The following TMEM9 variants were observed in gnomAD, a reference collection of about 807,000 sequenced individuals.
The protein encoded by TMEM9 is transmembrane protein 9.
TMEM9 carries 13 observed loss-of-function variants against 22.8 expected under a neutral mutation model. The observed-to-expected ratio is 0.57, with a 90% CI of 0.37 to 0.91. The LOEUF (loss-of-function observed/expected upper bound fraction) is 0.91, where lower values mean the gene tolerates loss of function less well. TMEM9 is among the 40% of genes least tolerant of loss of function. The pLI, the probability that TMEM9 is intolerant of heterozygous loss-of-function variation, is 0.01. For synonymous variants in TMEM9, 88 were observed against 93.0 expected, an observed-to-expected ratio of 0.95 and a Z score of 0.31; for missense variants, 182 against 238.1, an observed-to-expected ratio of 0.76 and a Z score of 1.55.
chr1:201,162,143 G>A (rs1475310442), intron 1 of TMEM9, among the ~76,000 whole-genome samples: 1 of 151,688 alleles, frequency 6.6e-6, no homozygotes, highest in Non-Finnish European at 1.5e-5. Flanking sequence ...GAGAACCCAG[G>A]CATAGATCTA....
chr1:201,155,985 T>A (rs533997277), upstream of TMEM9, among the ~76,000 whole-genome samples: 1 of 152,262 alleles, frequency 6.6e-6, no homozygotes, highest in South Asian at 2.1e-4. Context: ...GCCTACCTCG[T>A]GGGGGCAGAA....
chr1:201,166,530 T>G (rs1354501073), intron 1 of TMEM9, among the ~76,000 whole-genome samples: 1 of 151,762 alleles, frequency 6.6e-6, no homozygotes, highest in Non-Finnish European at 1.5e-5. Context: ...GCCCGGCTAA[T>G]TTTTGTGTTT....
chr1:201,169,293 A>G (rs942979436), intron 1 of TMEM9, among the ~76,000 whole-genome samples: 3 of 152,210 alleles, frequency 2.0e-5, no homozygotes, highest in African/African-American at 7.2e-5. Flanking sequence ...AGCTTAGTGA[A>G]TAGTACGAGT....
chr1:201,160,638 A>T (rs199892422), intron 1 of TMEM9, among the ~76,000 whole-genome samples: 1,388 of 10,710 alleles, frequency 0.13, 13 homozygotes, highest in Non-Finnish European at 0.31. Context: ...TTTTTTTTTT[A>T]AAATCGAGGA....
intron 3 of TMEM9, chr1:201,144,781 T>G (rs1321692699): frequency 1.3e-5 from 2 of 152,074 alleles, no homozygotes; most frequent in Non-Finnish European, 2.9e-5. Context: ...AAATGCCCCC[T>G]GGGGGGGCTG....
chr1:201,149,675 C>T (rs752542033), intron 2 of TMEM9, among the ~76,000 whole-genome samples: 2 of 152,204 alleles, frequency 1.3e-5, no homozygotes, highest in African/African-American at 4.8e-5. Context: ...TGGCTTTACT[C>T]TGCACAACCA....
chr1:201,168,023 C>T (rs907503820), intron 1 of TMEM9, among the ~76,000 whole-genome samples: 1 of 152,204 alleles, frequency 6.6e-6, no homozygotes, highest in African/African-American at 2.4e-5. Context: ...AGTAACTACT[C>T]TTCATCTGTG....
chr1:201,146,789 C>CAGTA lies in TMEM9; in HGVS notation c.214_217dup (p.Cys73LeufsTer53). 1 of 1,614,252 alleles carries CAGTA rather than the reference C, an allele frequency of 6.2e-7. No individual in the cohort carries two copies. The highest frequency in any genetic ancestry group is 8.5e-7 in the Non-Finnish European group (1 of 1,180,040). The stretch of plus-strand genomic sequence containing the variant: ...CTCGTACCTGCACTCGCACAGCAGG[C>CAGTA]AGTAGGCCTCCACGTCATGGCCAGG... On this transcript the variant is annotated frameshift_variant, in exon 3 of 5. Transcript: ENST00000367330. LOFTEE classifies it high-confidence loss of function.
upstream of TMEM9, among the ~76,000 whole-genome samples, chr1:201,155,418 C>T (rs1197070569): frequency 1.3e-5 from 2 of 152,144 alleles, no homozygotes; most frequent in African/African-American, 2.4e-5. Flanking sequence ...GGAATCAAGC[C>T]CCTCGCAGGC....
At chr1:201,161,138 G>A (rs1050781951) in intron 1 of TMEM9, among the ~76,000 whole-genome samples, 2 of 152,044 alleles carry the variant, frequency 1.3e-5, no homozygotes, top group African/African-American at 4.8e-5. Context: ...ACGAAGAGTG[G>A]CATTAATTTT....
chr1:201,148,132 G>C (rs1315087374), intron 2 of TMEM9, among the ~76,000 whole-genome samples: 1 of 152,190 alleles, frequency 6.6e-6, no homozygotes, highest in Non-Finnish European at 1.5e-5. Context: ...TCATCTAACA[G>C]CACTCTTGCG....
chr1:201,140,333 C>T (rs956287780), intron 4 of TMEM9, among the ~76,000 whole-genome samples: 7 of 152,362 alleles, frequency 4.6e-5, no homozygotes, highest in African/African-American at 1.7e-4. Context: ...GCCCAACCTG[C>T]ACATCTAAAA....
intron 1 of TMEM9, among the ~76,000 whole-genome samples, chr1:201,152,484 C>G (rs1665510388): frequency 6.6e-6 from 1 of 152,136 alleles, no homozygotes; most frequent in African/African-American, 2.4e-5. Flanking sequence ...TCTGGATGAT[C>G]TTTAGTTCCA....
intron 3 of TMEM9, chr1:201,144,208 G>A: frequency 5.0e-6 from 2 of 396,332 alleles, no homozygotes; most frequent in South Asian, 3.4e-5. Context: ...GCAGATGACA[G>A]AGGAAGAAGT....
rs758225861 is a variant in TMEM9, at chr1:201,153,911, A to G, written c.13T>C (p.Ser5Pro). The G allele has an allele frequency of 3.7e-6, 6 of 1,613,282 alleles. No individual in the cohort carries two copies. The East Asian group carries it at 6.7e-5, about 18-fold the overall frequency. ...AAACACCCGACCACAGCCACCAAAG[A>G]TAAGAGCTTCATGCTTATCAGGCTT... MKLLSLVAVVGCLLV... is the reference protein window; with the variant it reads MKLLPLVAVVGCLLV... Residue 5 changes from serine to proline, a missense_variant, in exon 1 of 5, where the codon TCT becomes CCT. Coordinates refer to ENST00000367330, the MANE Select transcript of TMEM9 (RefSeq NM_001288565.2).
intron 4 of TMEM9, among the ~76,000 whole-genome samples, chr1:201,136,725 T>C (rs1192641279): frequency 6.6e-6 from 1 of 152,242 alleles, no homozygotes; most frequent in East Asian, 1.9e-4. Context: ...CTGCAGGACC[T>C]GAACCTGATC....
chr1:201,166,551 C>T (rs566892072), intron 1 of TMEM9, among the ~76,000 whole-genome samples: 1 of 151,718 alleles, frequency 6.6e-6, no homozygotes, highest in South Asian at 2.1e-4. Flanking sequence ...TTAGTAGAGA[C>T]GGGGTTTTGT....
At chr1:201,152,086 A>C (rs1304103911) in intron 1 of TMEM9, among the ~76,000 whole-genome samples, 1 of 152,204 alleles carries the variant, frequency 6.6e-6, no homozygotes, top group Non-Finnish European at 1.5e-5. Context: ...AATGAGACTC[A>C]CAGAAAGTTG....
intron 1 of TMEM9, among the ~76,000 whole-genome samples, chr1:201,162,789 C>A (rs930262413): frequency 6.6e-6 from 1 of 151,144 alleles, no homozygotes; most frequent in African/African-American, 2.4e-5. Flanking sequence ...TGTTAAGAGA[C>A]GAGAAAGAAA....
Sources: allele counts gnomAD v4.1 joint callset (sites outside exome capture counted in the v4.1 genomes callset), GRCh38; gene constraint gnomAD v4.1.1; transcripts MANE v1.5; gene names NCBI Gene and HGNC (gene_info 2026-07-23, HGNC 2026-07-21).